The following ANKRD44 variants were observed in gnomAD, a reference collection of about 807,000 sequenced individuals.
The protein encoded by ANKRD44 is serine/threonine-protein phosphatase 6 regulatory ankyrin repeat subunit B.
Under a neutral mutation model 116.0 loss-of-function variants are expected in ANKRD44, and 35 were observed. The observed-to-expected ratio is 0.30, with a 90% CI of 0.23 to 0.40. ANKRD44 has a LOEUF of 0.40. ANKRD44 is among the 10% of genes least tolerant of loss of function. The pLI is 1.00. For missense variants in ANKRD44, 1,014 were observed against 1,242.6 expected (o/e 0.82, Z 2.77); for synonymous variants, 435 against 461.8 (o/e 0.94, Z 0.74).
At chr2:197,024,192 T>C (rs2076548044) in intron 17 of ANKRD44, among the ~76,000 whole-genome samples, 1 of 152,218 alleles carries the variant, frequency 6.6e-6, no homozygotes, top group Non-Finnish European at 1.5e-5. Context: ...CAGGTCAATT[T>C]TTCATCAGAA....
chr2:196,979,687 C>G lies in ANKRD44; in HGVS notation c.2369-12241G>C, dbSNP rs142056452. ...AAGTGATTCTCCTGCCTCAGCCTCC[C>G]GAGTAGCTGGGATTACAGGCATGTG... On this transcript the variant is annotated intron_variant, in intron 21 of 21. Transcript: ENST00000424317. Among the ~76,000 whole-genome samples the G allele has an allele frequency of 1.8e-3, 274 of 150,974 alleles. 3 individuals carry two copies. The East Asian group carries it at 0.037, about 20-fold the overall frequency.
intron 16 of ANKRD44, among the ~76,000 whole-genome samples, chr2:197,055,195 A>G (rs2077180962): frequency 6.6e-6 from 1 of 152,240 alleles, no homozygotes; most frequent in Non-Finnish European, 1.5e-5. Flanking sequence ...TGACTATTAA[A>G]GCTGAATACT....
At chr2:197,006,591 T>C (rs1431413670) in intron 20 of ANKRD44, among the ~76,000 whole-genome samples, 2 of 152,204 alleles carry the variant, frequency 1.3e-5, no homozygotes, top group African/African-American at 2.4e-5. Flanking sequence ...AGAATAGTAA[T>C]AACAACTTCA....
At chr2:197,252,445 C>T (rs1297833868) in intron 1 of ANKRD44, among the ~76,000 whole-genome samples, 3 of 150,764 alleles carry the variant, frequency 2.0e-5, no homozygotes, top group East Asian at 3.9e-4. Context: ...GAGTCTCTGT[C>T]GCCCAGGCTG....
rs185430034 is a variant in ANKRD44 at position 197,032,276 on chromosome 2, C to T, written c.1651-7009G>A. Among the ~76,000 whole-genome samples the T allele has an allele frequency of 6.6e-5, 10 of 152,140 alleles. No individual in the cohort carries two copies. In the East Asian group the frequency reaches 1.7e-3, roughly 26 times the overall value. On this transcript the variant is annotated intron_variant, in intron 16 of 27. Coordinates refer to ENST00000282272, the MANE Select transcript of ANKRD44 (RefSeq NM_001195144.2). ...GGGGTGGGCACTGCTACCCTAGAAG[C>T]AGGAGGCATATTAGGATATTTCAAC...
intron 16 of ANKRD44, among the ~76,000 whole-genome samples, chr2:197,050,547 T>C (rs1187931296): frequency 6.6e-6 from 1 of 151,736 alleles, no homozygotes; most frequent in Non-Finnish European, 1.5e-5. Flanking sequence ...CTCAGCCTCC[T>C]GAGTAGCCAG....
At chr2:197,196,964 AT>A (rs5837528) in intron 1 of ANKRD44, among the ~76,000 whole-genome samples, 23 of 150,978 alleles carry the variant, frequency 1.5e-4, no homozygotes, top group East Asian at 3.9e-4. Flanking sequence ...GCCATTGTCA[AT>A]TTTTTTTTTC....
intron 2 of ANKRD44, among the ~76,000 whole-genome samples, chr2:197,157,435 G>A (rs1439948874): frequency 6.6e-6 from 1 of 152,100 alleles, no homozygotes; most frequent in Admixed American, 6.5e-5. Flanking sequence ...AGCATTTTGG[G>A]AGGCCAAGGT....
intron 1 of ANKRD44, among the ~76,000 whole-genome samples, chr2:197,256,526 A>G (rs958211671): frequency 6.6e-6 from 1 of 152,248 alleles, no homozygotes; most frequent in Non-Finnish European, 1.5e-5. Flanking sequence ...TCTTTACACC[A>G]GGAAATAAAT....
chr2:197,071,920 C>T (rs775976624), intron 16 of ANKRD44, among the ~76,000 whole-genome samples: 1 of 152,134 alleles, frequency 6.6e-6, no homozygotes, highest in African/African-American at 2.4e-5. Context: ...GGGGTTCCAA[C>T]CCTTACTAGG....
chr2:197,289,336 C>T (rs1229076530), intron 1 of ANKRD44, among the ~76,000 whole-genome samples: 7 of 152,202 alleles, frequency 4.6e-5, no homozygotes, highest in South Asian at 2.1e-4. Flanking sequence ...TGAAATGGTA[C>T]GACCACTTTG....
intron 1 of ANKRD44, among the ~76,000 whole-genome samples, chr2:197,239,790 G>A (rs746023022): frequency 1.2e-4 from 18 of 152,100 alleles, no homozygotes; most frequent in Non-Finnish European, 2.4e-4. Context: ...TCTTGCTTTA[G>A]TAACTAGTTT....
chr2:197,298,018 A>C (rs2083775345), intron 1 of ANKRD44, among the ~76,000 whole-genome samples: 1 of 152,216 alleles, frequency 6.6e-6, no homozygotes. Flanking sequence ...GGACTCCGTT[A>C]AGAAGGATAT....
intron 1 of ANKRD44, among the ~76,000 whole-genome samples, chr2:197,236,689 C>T (rs73988414): frequency 0.048 from 6,721 of 140,880 alleles, 521 homozygotes; most frequent in African/African-American, 0.17. Flanking sequence ...CAAAACTACT[C>T]ATCTCTCCCT....
Position 196,989,665 on chromosome 2 carries a change from C to A in ANKRD44, c.2924-16G>T. ...GACCTAGAAGCTTTGGCAGAGGGAG[C>A]AGACACAGTATTCACTATGTTGATT... On this transcript the variant is annotated splice_polypyrimidine_tract_variant and intron_variant, in intron 27 of 27. Transcript: ENST00000282272. 6.5e-7 allele frequency: 1 copy of A among 1,549,884 alleles called. No homozygotes were observed. Among genetic ancestry groups the A allele is most frequent in the Non-Finnish European group, 8.7e-7 (1 of 1,146,534 alleles).
In ANKRD44 at chr2:197,005,791, C is replaced by G. The variant is rs761805487; in HGVS notation, c.2250G>C (p.Thr750=). ...CCATTTGGAGCAGCTCGCTCAGCCA[C>G]GTGGCGTGGCCACGAGCAGCTGCAT... is the stretch of plus-strand genomic sequence containing the variant. ...LHYAAARGHA[T]WLSELLQMAL... is the part of the protein sequence containing the mutation. The change falls in exon 21 of 28, where the codon ACG becomes ACC. Residue 750 remains threonine (T), a synonymous_variant. Coordinates refer to ENST00000282272, the MANE Select transcript of ANKRD44 (RefSeq NM_001195144.2). 1 of 1,614,162 alleles carries G rather than the reference C, an allele frequency of 6.2e-7. No individual in the cohort carries two copies. The highest frequency in any genetic ancestry group is 1.3e-5 in the African/African-American group (1 of 74,954).
intron 1 of ANKRD44, among the ~76,000 whole-genome samples, chr2:197,205,685 T>G (rs1176081775): frequency 1.3e-5 from 2 of 152,026 alleles, no homozygotes; most frequent in Non-Finnish European, 2.9e-5. Context: ...ATGATCAAGA[T>G]ACAGTCCCAG....
intron 16 of ANKRD44, among the ~76,000 whole-genome samples, chr2:197,059,219 G>A (rs1276733292): frequency 6.6e-6 from 1 of 152,116 alleles, no homozygotes; most frequent in East Asian, 1.9e-4. Flanking sequence ...AGGAAACAAA[G>A]CAGGTAACAG....
chr2:197,006,997 G>C (rs13005801), intron 20 of ANKRD44, among the ~76,000 whole-genome samples: 96,638 of 151,686 alleles, frequency 0.64, 32,307 homozygotes, highest in East Asian at 0.81. Context: ...CCCAGTTACT[G>C]GGGGGAGTTG....
Sources: gnomAD v4.1 joint callset for allele counts (sites outside exome capture counted in the v4.1 genomes callset) on GRCh38, gnomAD v4.1.1 for gene constraint, MANE v1.5 for transcripts, NCBI Gene and HGNC (gene_info 2026-07-23, HGNC 2026-07-21) for gene names.